PRTG: variants seen among roughly 807,000 people sequenced by gnomAD.
The protein encoded by PRTG is immunoglobulin superfamily, DCC subclass, member 5.
In PRTG, 67 loss-of-function variants were observed where a neutral mutation model predicts 122.5. That is an observed-to-expected ratio of 0.55 (90% CI 0.45 to 0.67). PRTG has a LOEUF of 0.67. PRTG is among the 30% of genes least tolerant of loss of function. The pLI, the probability that PRTG is intolerant of heterozygous loss-of-function variation, is 0.00. For missense variants in PRTG, 1,435 were observed against 1,415.4 expected, an observed-to-expected ratio of 1.01 and a Z score of -0.22; for synonymous variants, 554 against 501.1, an observed-to-expected ratio of 1.11 and a Z score of -1.41.
intron 11 of PRTG, among the ~76,000 whole-genome samples, chr15:55,664,082 T>C (rs2059424392): frequency 6.6e-6 from 1 of 152,198 alleles, no homozygotes. Flanking sequence ...CAACTGTGAA[T>C]AGAGCTATAC....
chr15:55,639,681 A>G lies in PRTG; in HGVS notation c.2285T>C (p.Val762Ala), dbSNP rs896444214. ...IINYTIRCNP[V>A]GLQNASLVLY... ...AACCAAAGAAGCATTCTGCAGGCCA[A>G]CAGGATTACAGCGGATGGTGTAGTT... Residue 762 changes from valine to alanine, a missense_variant, in exon 13 of 20, where the codon GTT (valine) becomes GCT (alanine). Coordinates refer to ENST00000389286, the MANE Select transcript of PRTG (RefSeq NM_173814.6). 6.2e-6 allele frequency: 10 copies of G among 1,614,022 alleles called. No homozygotes were observed. The highest frequency in any genetic ancestry group is 1.3e-5 in the African/African-American group (1 of 74,912).
chr15:55,658,885 T>C (rs1238496879), intron 11 of PRTG, among the ~76,000 whole-genome samples: 1 of 152,222 alleles, frequency 6.6e-6, no homozygotes, highest in African/African-American at 2.4e-5. Context: ...ATGGGAGACA[T>C]ATAAATTTGA....
rs371222289 is a variant in PRTG at position 55,659,867 on chromosome 15, C to T, written c.2041+12578G>A. On this transcript the variant is annotated intron_variant, in intron 11 of 19. Transcript: ENST00000389286. ...CCAGAAAATGGAGGTTGCAGTGAGC[C>T]GAGATCATGCCATTGCACTCCAGCC... Among the ~76,000 whole-genome samples, 74 of 151,758 alleles carry T rather than the reference C, an allele frequency of 4.9e-4. No individual in the cohort carries two copies. In the South Asian group the frequency reaches 1.0e-2, roughly 20 times the overall value.
intron 11 of PRTG, among the ~76,000 whole-genome samples, chr15:55,670,459 A>C (rs1243051552): frequency 6.6e-6 from 1 of 152,230 alleles, no homozygotes; most frequent in Admixed American, 6.5e-5. Flanking sequence ...CGAATCAATA[A>C]TATGCAGGGA....
chr15:55,655,558 C>T (rs983073854), intron 11 of PRTG: 1 of 152,108 alleles, frequency 6.6e-6, no homozygotes, highest in Admixed American at 6.5e-5. Flanking sequence ...ATATTATGCA[C>T]TCAGTTACAG....
At position 55,624,457 on chromosome 15, in the gene PRTG, C is replaced by A. The variant is rs781488469; in HGVS notation, c.2978G>T (p.Arg993Leu). Reference sequence around the variant, plus strand: ...TCCACTAGCTAAGGAGGCACTGGTACGAGGTAACTGTTGAGTTCCATTCTG... The same window carrying A: ...TCCACTAGCTAAGGAGGCACTGGTAAGAGGTAACTGTTGAGTTCCATTCTG... ...TAQNGTQQLP[R>L]TSASLASGNE... Residue 993 changes from arginine (R) to leucine (L), a missense_variant, in exon 18 of 20, where the codon CGT becomes CTT. Transcript: ENST00000389286. The A allele has an allele frequency of 9.9e-6, 16 of 1,613,906 alleles. No homozygotes were observed. The highest frequency in any genetic ancestry group is 1.3e-5 in the Non-Finnish European group (15 of 1,179,906).
At chr15:55,660,144 T>C (rs896691096) in intron 11 of PRTG, among the ~76,000 whole-genome samples, 1 of 152,166 alleles carries the variant, frequency 6.6e-6, no homozygotes, top group Non-Finnish European at 1.5e-5. Flanking sequence ...AAGACCAAGA[T>C]AAAATATTTT....
chr15:55,705,854 C>CTTT lies in PRTG; in HGVS notation c.398-21926_398-21924dup, dbSNP rs33973404. Among the ~76,000 whole-genome samples, 278 of 125,416 alleles carry CTTT rather than the reference C, an allele frequency of 2.2e-3. 3 individuals are homozygous for CTTT. Among genetic ancestry groups the CTTT allele is most frequent in the Non-Finnish European group, 3.8e-3 (233 of 61,742 alleles). The allele number at this position is 125,416 out of a possible 152,430, so 82.3% of individuals were successfully genotyped here. A position where few individuals can be genotyped will look rare whatever the true frequency, so the allele number is the denominator to read the frequency against. Reference sequence around the variant, plus strand: ...AGCCCAAATAAATCTACTTGCTATTCTTTTTTTTTTTTTTTTTCTGAGAAG... The same window carrying CTTT: ...AGCCCAAATAAATCTACTTGCTATTCTTTTTTTTTTTTTTTTTTTTCTGAGAAG... On this transcript the variant is annotated intron_variant, in intron 2 of 19. Transcript: ENST00000389286.
At chr15:55,700,945 C>T (rs2059660138) in intron 2 of PRTG, among the ~76,000 whole-genome samples, 1 of 152,064 alleles carries the variant, frequency 6.6e-6, no homozygotes, top group Non-Finnish European at 1.5e-5. Context: ...GAAAACGATT[C>T]AATAAAAAGT....
At chr15:55,659,927 A>AAAAAC (rs56025011) in intron 11 of PRTG, among the ~76,000 whole-genome samples, 17,927 of 150,054 alleles carry the variant, frequency 0.12, 1,207 homozygotes, top group African/African-American at 0.14. Flanking sequence ...AAAAAGTCTC[A>AAAAAC]AAAACAAAAC....
intron 1 of PRTG, among the ~76,000 whole-genome samples, chr15:55,740,956 G>C (rs1349041761): frequency 1.3e-5 from 2 of 152,148 alleles, no homozygotes; most frequent in African/African-American, 4.8e-5. Flanking sequence ...CAAGTTCCTT[G>C]CTAGAGTTTC....
At chr15:55,731,616 G>A (rs1408089872) in intron 2 of PRTG, among the ~76,000 whole-genome samples, 2 of 151,992 alleles carry the variant, frequency 1.3e-5, no homozygotes, top group South Asian at 2.1e-4. Context: ...TGATCCGCCC[G>A]CCTCAGCCTC....
At chr15:55,702,711 T>G (rs1371056) in intron 2 of PRTG, among the ~76,000 whole-genome samples, 28,344 of 152,126 alleles carry the variant, frequency 0.19, 3,724 homozygotes, top group East Asian at 0.66. Context: ...CTATTCCTAT[T>G]CTTCTACCTA....
Position 55,675,508 on chromosome 15 carries a change from T to C in PRTG, c.1546+11A>G. On this transcript the variant is annotated intron_variant, in intron 9 of 19. Transcript: ENST00000389286. ...TTCATACTGAAATGATCTAGAATCA[T>C]GTTTTCTTACCATCCTCTAGAGTAT... 6.3e-7 allele frequency: 1 copy of C among 1,586,272 alleles called. No homozygotes were observed. Among genetic ancestry groups the C allele is most frequent in the South Asian group, 1.1e-5 (1 of 87,616 alleles).
intron 16 of PRTG, 44 bp downstream of exon 16, chr15:55,628,776 CTT>C (rs756186248): frequency 1.3e-6 from 2 of 1,487,174 alleles, no homozygotes; most frequent in African/African-American, 2.8e-5. Context: ...AGGAAGAACA[CTT>C]TTTTTCTTAA....
chr15:55,690,549 C>A (rs2059594909), intron 2 of PRTG, among the ~76,000 whole-genome samples: 1 of 152,072 alleles, frequency 6.6e-6, no homozygotes, highest in Admixed American at 6.5e-5. Context: ...AAATCTGGAA[C>A]TTTTTTAGCA....
At chr15:55,679,988 G>C in intron 6 of PRTG, 66 bp downstream of exon 6, 2 of 1,282,198 alleles carry the variant, frequency 1.6e-6, no homozygotes, top group Non-Finnish European at 2.2e-6. Flanking sequence ...AGTAAGCTAT[G>C]AATGAGATAA....
intron 2 of PRTG, among the ~76,000 whole-genome samples, chr15:55,687,104 AT>A (rs1465864369): frequency 2.0e-5 from 3 of 152,246 alleles, no homozygotes; most frequent in African/African-American, 4.8e-5. Context: ...ACTAAAAAAA[AT>A]ATACTTTCTG....
chr15:55,738,687 A>G, intron 2 of PRTG: 1 of 421,918 alleles, frequency 2.4e-6, no homozygotes, highest in Non-Finnish European at 4.2e-6. Flanking sequence ...TACTCCATGA[A>G]AAAAATAATT....
Sources: gnomAD v4.1 joint callset for allele counts (sites outside exome capture counted in the v4.1 genomes callset) on GRCh38, gnomAD v4.1.1 for gene constraint, MANE v1.5 for transcripts, NCBI Gene and HGNC (gene_info 2026-07-23, HGNC 2026-07-21) for gene names.